The following NELL1 variants were observed in gnomAD, a reference collection of about 807,000 sequenced individuals.
The protein encoded by NELL1 is protein kinase C-binding protein NELL1.
A neutral mutation model predicts 107.4 loss-of-function variants in NELL1; 76 were observed. That is an observed-to-expected ratio of 0.71 (90% CI 0.59 to 0.86). NELL1 has a LOEUF of 0.86. Among genes scored for constraint, NELL1 ranks in the 40% least tolerant of loss-of-function variants. The pLI is 0.00. For missense variants in NELL1, 1,024 were observed against 1,005.5 expected, an observed-to-expected ratio of 1.02 and a Z score of -0.25; for synonymous variants, 353 against 341.2, an observed-to-expected ratio of 1.03 and a Z score of -0.38.
intron 3 of NELL1, among the ~76,000 whole-genome samples, chr11:20,842,952 G>A (rs1047576247): frequency 8.5e-5 from 13 of 152,102 alleles, no homozygotes; most frequent in Non-Finnish European, 1.0e-4. Context: ...TAGCTATATT[G>A]TTTTTGTTAT....
At chr11:21,014,847 C>T (rs983695072) in intron 12 of NELL1, among the ~76,000 whole-genome samples, 1 of 152,130 alleles carries the variant, frequency 6.6e-6, no homozygotes, top group African/African-American at 2.4e-5. Context: ...AAGTTATAGT[C>T]TCCCTGCCCT....
At chr11:21,430,665 G>A (rs1370179587) in intron 15 of NELL1, among the ~76,000 whole-genome samples, 6 of 152,042 alleles carry the variant, frequency 3.9e-5, no homozygotes, top group Non-Finnish European at 7.4e-5. Flanking sequence ...CATAGGAAAT[G>A]ATTCGCAGGG....
chr11:20,681,448 A>G (rs1009517129), intron 2 of NELL1, among the ~76,000 whole-genome samples: 1 of 152,080 alleles, frequency 6.6e-6, no homozygotes, highest in Non-Finnish European at 1.5e-5. Flanking sequence ...ATTTCCTTTT[A>G]TGTCTTTGCT....
At chr11:21,127,350 C>G (rs1361642420) in intron 13 of NELL1, among the ~76,000 whole-genome samples, 1 of 152,054 alleles carries the variant, frequency 6.6e-6, no homozygotes, top group Non-Finnish European at 1.5e-5. Flanking sequence ...AATCTCAGCA[C>G]TTTGGGTGGC....
At chr11:20,987,628 T>C (rs1294516358) in intron 12 of NELL1, among the ~76,000 whole-genome samples, 2 of 152,206 alleles carry the variant, frequency 1.3e-5, no homozygotes, top group African/African-American at 2.4e-5. Flanking sequence ...ACCACTCCGA[T>C]GATTCAATTA....
chr11:21,105,555 CCGG>C lies in NELL1; in HGVS notation c.1301-8033_1301-8031del, dbSNP rs1388305141. Among the ~76,000 whole-genome samples, 4 of 152,238 alleles carry C rather than the reference CCGG, an allele frequency of 2.6e-5. No individual in the cohort carries two copies. The East Asian group carries it at 7.7e-4, about 29-fold the overall frequency. On this transcript the variant is annotated intron_variant, in intron 12 of 19. Coordinates refer to ENST00000357134, the MANE Select transcript of NELL1 (RefSeq NM_006157.5). ...CCACCATGTTGGACATGCCTAGGGC[CCGG>C]ATAGCCTTTTCCTATTGGCACAGCT...
At chr11:21,333,930 T>G (rs1247519611) in intron 14 of NELL1, among the ~76,000 whole-genome samples, 15 of 152,018 alleles carry the variant, frequency 9.9e-5, no homozygotes, top group Admixed American at 9.8e-4. Flanking sequence ...TGCTGAGTCG[T>G]GAGATTTGGG....
At chr11:21,444,416 CTG>C (rs1203075237) in intron 15 of NELL1, among the ~76,000 whole-genome samples, 3 of 152,042 alleles carry the variant, frequency 2.0e-5, no homozygotes, top group African/African-American at 7.2e-5. Flanking sequence ...CATAGCAAAA[CTG>C]TTTTTCTCAG....
intron 13 of NELL1, among the ~76,000 whole-genome samples, chr11:21,199,942 C>T (rs910267006): frequency 5.3e-5 from 8 of 152,140 alleles, no homozygotes; most frequent in African/African-American, 1.9e-4. Flanking sequence ...TGACGGTTTA[C>T]AGCTTCATCC....
At chr11:21,349,824 T>C (rs1850764394) in intron 14 of NELL1, among the ~76,000 whole-genome samples, 1 of 152,154 alleles carries the variant, frequency 6.6e-6, no homozygotes, top group Non-Finnish European at 1.5e-5. Context: ...GGTCCATGTG[T>C]CCTCAATATG....
At chr11:20,721,621 A>G (rs1855390485) in intron 2 of NELL1, among the ~76,000 whole-genome samples, 1 of 152,300 alleles carries the variant, frequency 6.6e-6, no homozygotes, top group Admixed American at 6.5e-5. Context: ...GTTAAAGGAG[A>G]TGGAAAGTAC....
At chr11:20,861,042 G>A (rs1238492942) in intron 4 of NELL1, among the ~76,000 whole-genome samples, 1 of 152,182 alleles carries the variant, frequency 6.6e-6, no homozygotes, top group Non-Finnish European at 1.5e-5. Flanking sequence ...TCTTTGGGCA[G>A]GGTTTCATGA....
intron 3 of NELL1, among the ~76,000 whole-genome samples, chr11:20,838,941 T>C (rs1848577494): frequency 6.6e-6 from 1 of 152,212 alleles, no homozygotes; most frequent in Admixed American, 6.5e-5. Flanking sequence ...AGTTGTGCAA[T>C]TCCAAGCTTA....
intron 4 of NELL1, among the ~76,000 whole-genome samples, chr11:20,882,083 A>G (rs767498741): frequency 6.6e-6 from 1 of 152,180 alleles, no homozygotes; most frequent in African/African-American, 2.4e-5. Context: ...GCCTTTTTAC[A>G]TGATCCAGTC....
At chr11:20,857,984 G>A (rs7120486) in intron 4 of NELL1, among the ~76,000 whole-genome samples, 115,163 of 152,114 alleles carry the variant, frequency 0.76, 44,577 homozygotes, top group East Asian at 0.95. Context: ...CTTCAGGCTC[G>A]TAAGAACGTA....
At chr11:20,828,084 A>G (rs371242513) in intron 3 of NELL1, among the ~76,000 whole-genome samples, 1 of 151,204 alleles carries the variant, frequency 6.6e-6, no homozygotes, top group East Asian at 1.9e-4. Context: ...TTGGGTTTCT[A>G]TCTTGGATCT....
intron 14 of NELL1, among the ~76,000 whole-genome samples, chr11:21,339,548 G>T (rs563346473): frequency 6.6e-6 from 1 of 152,138 alleles, no homozygotes; most frequent in African/African-American, 2.4e-5. Context: ...TCTTTTCATC[G>T]TGTCAGTGCC....
intron 3 of NELL1, among the ~76,000 whole-genome samples, chr11:20,839,862 A>C (rs1023265799): frequency 6.6e-6 from 1 of 152,232 alleles, no homozygotes; most frequent in Non-Finnish European, 1.5e-5. Context: ...TCAGGACTTT[A>C]GTTTAGTCAA....
intron 14 of NELL1, among the ~76,000 whole-genome samples, chr11:21,363,392 G>A (rs1411655703): frequency 6.6e-6 from 1 of 152,174 alleles, no homozygotes; most frequent in Non-Finnish European, 1.5e-5. Context: ...TTGCCAAGTG[G>A]AGATGTGTGT....
Sources: gnomAD v4.1 joint callset for allele counts (sites outside exome capture counted in the v4.1 genomes callset) on GRCh38, gnomAD v4.1.1 for gene constraint, MANE v1.5 for transcripts, NCBI Gene and HGNC (gene_info 2026-07-23, HGNC 2026-07-21) for gene names.